RBM47: variants seen among roughly 807,000 people sequenced by gnomAD.
RBM47 encodes RNA-binding protein 47.
Under a neutral mutation model 47.1 loss-of-function variants are expected in RBM47, and 21 were observed. The observed-to-expected ratio is 0.45, with a 90% CI of 0.32 to 0.64. The LOEUF is 0.64. Ranked by LOEUF, RBM47 falls within the 30% of genes least tolerant of loss-of-function variation. The probability of loss-of-function intolerance (pLI) is 0.05; values close to 1 mark genes in which losing one functional copy is unlikely to be tolerated. For missense variants in RBM47, 708 were observed against 870.9 expected (o/e 0.81, Z 2.35); for synonymous variants, 375 against 361.7 (o/e 1.04, Z -0.42).
chr4:40,534,295 T>G (rs1727704855), intron 2 of RBM47, among the ~76,000 whole-genome samples: 1 of 151,996 alleles, frequency 6.6e-6, no homozygotes, highest in South Asian at 2.1e-4. Flanking sequence ...ACAACATGAT[T>G]GAAACTTGAA....
intron 2 of RBM47, among the ~76,000 whole-genome samples, chr4:40,532,000 C>CT (rs914974086): frequency 7.5e-4 from 110 of 146,844 alleles, no homozygotes; most frequent in African/African-American, 2.3e-3. Context: ...CAATCTCTCT[C>CT]TTTTTTTTTT....
chr4:40,459,033 C>A (rs1297686951), intron 3 of RBM47, among the ~76,000 whole-genome samples: 1 of 152,140 alleles, frequency 6.6e-6, no homozygotes, highest in East Asian at 1.9e-4. Context: ...AGAAATGAGA[C>A]CATCTGAGAC....
intron 1 of RBM47, among the ~76,000 whole-genome samples, chr4:40,588,963 A>C (rs1412448159): frequency 4.9e-5 from 7 of 143,028 alleles, no homozygotes. Flanking sequence ...TAGGGGAAAG[A>C]GGTTAGAGGA....
chr4:40,577,149 A>C (rs778354671), intron 1 of RBM47, among the ~76,000 whole-genome samples: 2 of 152,208 alleles, frequency 1.3e-5, no homozygotes, highest in Non-Finnish European at 2.9e-5. Context: ...TCATGAACAC[A>C]TGACTGTTCT....
At chr4:40,593,395 C>T (rs1262369556) in intron 1 of RBM47, among the ~76,000 whole-genome samples, 1 of 152,140 alleles carries the variant, frequency 6.6e-6, no homozygotes, top group Non-Finnish European at 1.5e-5. Context: ...ATAATACCTT[C>T]AGTAGGGAGG....
At chr4:40,436,179 A>C (rs374935806) in intron 5 of RBM47, among the ~76,000 whole-genome samples, 44,547 of 106,110 alleles carry the variant, frequency 0.42, 7,048 homozygotes, top group East Asian at 0.5. Flanking sequence ...CTCAAAAAAA[A>C]AAAAAAACAA....
chr4:40,429,590 C>G (rs1338411605), intron 6 of RBM47, among the ~76,000 whole-genome samples: 1 of 145,048 alleles, frequency 6.9e-6, no homozygotes, highest in Non-Finnish European at 1.5e-5. Context: ...AAAAGTGCCT[C>G]TAGCAGGAGA....
chr4:40,513,162 A>C (rs1057349793), intron 2 of RBM47, among the ~76,000 whole-genome samples: 2 of 152,250 alleles, frequency 1.3e-5, no homozygotes, highest in African/African-American at 4.8e-5. Context: ...AATGTCTTCC[A>C]ATTTTGAAAC....
intron 1 of RBM47, among the ~76,000 whole-genome samples, chr4:40,606,514 T>G (rs936873408): frequency 6.6e-6 from 1 of 152,180 alleles, no homozygotes; most frequent in African/African-American, 2.4e-5. Flanking sequence ...CTCTTTGCCC[T>G]TTAGCCCCAC....
chr4:40,430,318 A>T (rs911952742), intron 6 of RBM47, among the ~76,000 whole-genome samples: 8 of 152,344 alleles, frequency 5.3e-5, no homozygotes, highest in African/African-American at 1.7e-4. Flanking sequence ...GGACATGATT[A>T]TGGTGCCTGG....
intron 6 of RBM47, among the ~76,000 whole-genome samples, chr4:40,429,028 A>C (rs1464406681): frequency 6.6e-6 from 1 of 152,098 alleles, no homozygotes; most frequent in South Asian, 2.1e-4. Flanking sequence ...TAAATTGTGC[A>C]CCCTTCTGAG....
At chr4:40,525,614 A>T (rs971893271) in intron 2 of RBM47, among the ~76,000 whole-genome samples, 1 of 152,176 alleles carries the variant, frequency 6.6e-6, no homozygotes, top group Admixed American at 6.6e-5. Context: ...AAAATAGCCT[A>T]GAGGAAAGAA....
chr4:40,550,594 T>C (rs1729467233), intron 1 of RBM47, among the ~76,000 whole-genome samples: 1 of 152,066 alleles, frequency 6.6e-6, no homozygotes, highest in Admixed American at 6.6e-5. Flanking sequence ...AATTTTTGTG[T>C]TTTTAGTAGA....
intron 1 of RBM47, among the ~76,000 whole-genome samples, chr4:40,569,040 CAGACAGACAGAT>C (rs779079424): frequency 0.015 from 2,266 of 150,054 alleles, 45 homozygotes; most frequent in Non-Finnish European, 0.021. Context: ...GACAGACAGA[CAGACAGACAGAT>C]AGATAGATAG....
intron 1 of RBM47, among the ~76,000 whole-genome samples, chr4:40,572,521 C>A (rs528427055): frequency 2.6e-5 from 4 of 152,010 alleles, no homozygotes; most frequent in African/African-American, 7.2e-5. Context: ...ACTTGCATAG[C>A]ATTAAAAAAT....
chr4:40,559,011 T>G (rs1180982733), intron 1 of RBM47, among the ~76,000 whole-genome samples: 1 of 152,046 alleles, frequency 6.6e-6, no homozygotes. Flanking sequence ...AAATGTGTAC[T>G]AAGCCCCTCC....
At chr4:40,490,417 A>G (rs1292234543) in intron 2 of RBM47, among the ~76,000 whole-genome samples, 1 of 152,216 alleles carries the variant, frequency 6.6e-6, no homozygotes, top group African/African-American at 2.4e-5. Context: ...TATTAGAACT[A>G]ATAATCAAGT....
chr4:40,450,047 CAACAAA>C (rs1018933194), intron 3 of RBM47, among the ~76,000 whole-genome samples: 2 of 152,084 alleles, frequency 1.3e-5, no homozygotes, highest in African/African-American at 4.8e-5. Flanking sequence ...ATGCTGAAAC[CAACAAA>C]AATGAAACTC....
chr4:40,577,952 C>A (rs1457395252), intron 1 of RBM47, among the ~76,000 whole-genome samples: 2 of 151,920 alleles, frequency 1.3e-5, no homozygotes, highest in Admixed American at 1.3e-4. Flanking sequence ...TCAAGGCCAG[C>A]CTAGACAACA....
Sources: allele counts gnomAD v4.1 joint callset (sites outside exome capture counted in the v4.1 genomes callset), GRCh38; gene constraint gnomAD v4.1.1; transcripts MANE v1.5; gene names NCBI Gene and HGNC (gene_info 2026-07-23, HGNC 2026-07-21).